TENM3: variants seen among roughly 807,000 people sequenced by gnomAD.
TENM3 encodes teneurin transmembrane protein 3.
TENM3 carries 63 observed loss-of-function variants against 255.1 expected under a neutral mutation model. The ratio of observed to expected loss-of-function variants is 0.25; its 90% CI spans 0.20 to 0.30. The LOEUF is 0.30. Among genes scored for constraint, TENM3 ranks in the 10% least tolerant of loss-of-function variants. The pLI, the probability that TENM3 is intolerant of heterozygous loss-of-function variation, is 1.00. For synonymous variants in TENM3, 1,306 were observed against 1,322.3 expected (o/e 0.99, Z 0.27); for missense variants, 2,929 against 3,461.1 (o/e 0.85, Z 3.86).
At chr4:182,324,587 A>T (rs950693236) in intron 2 of TENM3, among the ~76,000 whole-genome samples, 4 of 152,174 alleles carry the variant, frequency 2.6e-5, no homozygotes, top group African/African-American at 9.6e-5. Flanking sequence ...TTTTAGTTGA[A>T]TGAAGGTGCT....
chr4:181,635,401 C>T, the TENM3 span, among the ~76,000 whole-genome samples: 5 of 152,132 alleles, frequency 3.3e-5, no homozygotes, highest in African/African-American at 9.7e-5. Context: ...CAGTTTCCAT[C>T]GAATGATCAA....
the TENM3 span, among the ~76,000 whole-genome samples, chr4:181,749,794 C>G: frequency 5.8e-3 from 877 of 152,160 alleles, 5 homozygotes; most frequent in Middle Eastern, 0.034. Context: ...CAAATTTGAC[C>G]TCTTTCTGTA....
chr4:181,624,342 C>A, the TENM3 span, among the ~76,000 whole-genome samples: 13 of 152,280 alleles, frequency 8.5e-5, no homozygotes, highest in African/African-American at 3.1e-4. Flanking sequence ...TTAAGGCTTC[C>A]AACTCAAATT....
chr4:182,635,460 T>A (rs1220064141), intron 5 of TENM3, among the ~76,000 whole-genome samples: 2 of 152,132 alleles, frequency 1.3e-5, no homozygotes, highest in East Asian at 1.9e-4. Flanking sequence ...TACCCAATAG[T>A]TTTTTTATCC....
the TENM3 span, among the ~76,000 whole-genome samples, chr4:181,745,964 A>G: frequency 1.9e-4 from 29 of 152,184 alleles, no homozygotes; most frequent in Non-Finnish European, 3.5e-4. Flanking sequence ...TACCAAATGA[A>G]TATTTAGGAA....
At chr4:181,578,733 A>G in the TENM3 span, among the ~76,000 whole-genome samples, 2 of 152,118 alleles carry the variant, frequency 1.3e-5, no homozygotes, top group African/African-American at 2.4e-5. Flanking sequence ...TCCCCTCTGC[A>G]TCCTCCTGTG....
At chr4:182,358,365 C>G (rs1765711392) in intron 3 of TENM3, among the ~76,000 whole-genome samples, 2 of 149,320 alleles carry the variant, frequency 1.3e-5, no homozygotes, top group African/African-American at 5.0e-5. Flanking sequence ...GAATGTTCTT[C>G]CATTTGTTTG....
chr4:181,479,526 G>A, the TENM3 span, among the ~76,000 whole-genome samples: 55,800 of 151,862 alleles, frequency 0.37, 10,718 homozygotes, highest in African/African-American at 0.49. Flanking sequence ...CAGCCCTCCT[G>A]TCTTCCTTTC....
At chr4:181,727,064 C>A in the TENM3 span, among the ~76,000 whole-genome samples, 1 of 152,188 alleles carries the variant, frequency 6.6e-6, no homozygotes, top group Non-Finnish European at 1.5e-5. Context: ...TCCAGAAGTT[C>A]TCCAACTCCA....
intron 1 of TENM3, among the ~76,000 whole-genome samples, chr4:182,254,333 C>CTT (rs36054102): frequency 0.061 from 8,969 of 146,330 alleles, 336 homozygotes; most frequent in East Asian, 0.11. Context: ...TTCTCTCTCT[C>CTT]TTTTTTTTTT....
the TENM3 span, among the ~76,000 whole-genome samples, chr4:181,703,986 A>G: frequency 1.3e-5 from 2 of 152,172 alleles, no homozygotes; most frequent in Non-Finnish European, 2.9e-5. Flanking sequence ...CAGGAACGGA[A>G]TGACACATAG....
At chr4:182,491,723 C>T (rs1014131879) in intron 3 of TENM3, among the ~76,000 whole-genome samples, 73 of 152,106 alleles carry the variant, frequency 4.8e-4, no homozygotes, top group African/African-American at 1.7e-3. Context: ...TTAAACTGTT[C>T]ACCATAGATG....
the TENM3 span, among the ~76,000 whole-genome samples, chr4:182,036,218 G>A: frequency 8.6e-3 from 1,301 of 152,024 alleles, 25 homozygotes; most frequent in African/African-American, 0.03. Flanking sequence ...TCAAGATGGA[G>A]TCTTGCTCTA....
At chr4:182,471,627 CTGTGTGTGTG>C (rs35316767) in intron 3 of TENM3, among the ~76,000 whole-genome samples, 1 of 149,722 alleles carries the variant, frequency 6.7e-6, no homozygotes, top group Non-Finnish European at 1.5e-5. Context: ...GCACATGCCT[CTGTGTGTGTG>C]TGTGTGTGTG....
At chr4:181,628,805 T>C in the TENM3 span, among the ~76,000 whole-genome samples, 1 of 152,234 alleles carries the variant, frequency 6.6e-6, no homozygotes, top group African/African-American at 2.4e-5. Context: ...TAGGATTGAC[T>C]TGGCAGTGCG....
chr4:182,668,747 C>A (rs1754943041), intron 6 of TENM3, among the ~76,000 whole-genome samples: 1 of 152,140 alleles, frequency 6.6e-6, no homozygotes, highest in Non-Finnish European at 1.5e-5. Context: ...GAGAAAGAAA[C>A]AAGGCAAGAA....
the TENM3 span, chr4:181,980,342 G>A: frequency 1.5e-4 from 23 of 152,106 alleles, no homozygotes; most frequent in African/African-American, 5.1e-4. Flanking sequence ...ATATCACCGG[G>A]GAAGTTGTGG....
Position 182,801,670 on chromosome 4 carries a change from G to C in TENM3, c.*1319G>C, listed in dbSNP as rs2152842995. On this transcript the variant is annotated 3_prime_UTR_variant, in exon 28 of 28. Transcript: ENST00000511685. ...TAGGAAAGACAGCAGAAACCGAGCA[G>C]TGGTGGGTGAGCCAGATGGAGCCGG... is the stretch of plus-strand genomic sequence containing the variant. The C allele has an allele frequency of 6.6e-6, 1 of 152,338 alleles. No homozygotes were observed. The highest frequency in any genetic ancestry group is 3.4e-3 in the Middle Eastern group (1 of 294). The allele number at this position is 152,338 out of a possible 1,614,324, so 9.4% of individuals were successfully genotyped here. A position where few individuals can be genotyped will look rare whatever the true frequency, so the allele number is the denominator to read the frequency against.
At chr4:182,698,785 G>A (rs892818053) in intron 12 of TENM3, among the ~76,000 whole-genome samples, 3 of 152,210 alleles carry the variant, frequency 2.0e-5, no homozygotes, top group East Asian at 1.9e-4. Context: ...CTAGAGCTGC[G>A]TGGTTTCATA....
Sources: gnomAD v4.1 joint callset for allele counts (sites outside exome capture counted in the v4.1 genomes callset) on GRCh38, gnomAD v4.1.1 for gene constraint, MANE v1.5 for transcripts, NCBI Gene and HGNC (gene_info 2026-07-23, HGNC 2026-07-21) for gene names.